The following UBE3C variants were observed in gnomAD, a reference collection of about 807,000 sequenced individuals.
UBE3C encodes ubiquitin-protein ligase E3C.
Under a neutral mutation model 129.4 loss-of-function variants are expected in UBE3C, and 42 were observed. That is an observed-to-expected ratio of 0.32 (90% CI 0.25 to 0.42). The LOEUF is 0.42. Ranked by LOEUF, UBE3C falls within the 10% of genes least tolerant of loss-of-function variation. The pLI, the probability that UBE3C is intolerant of heterozygous loss-of-function variation, is 1.00. For synonymous variants in UBE3C, 510 were observed against 492.4 expected, an observed-to-expected ratio of 1.04 and a Z score of -0.47; for missense variants, 1,049 against 1,319.1, an observed-to-expected ratio of 0.80 and a Z score of 3.17.
At chr7:157,249,603 G>A (rs927415539) in intron 19 of UBE3C, among the ~76,000 whole-genome samples, 13 of 152,156 alleles carry the variant, frequency 8.5e-5, no homozygotes, top group Non-Finnish European at 2.9e-5. Context: ...GTGAGCCACC[G>A]TGGCCGGCAC....
intron 19 of UBE3C, 114 bp downstream of exon 19, chr7:157,248,694 G>A: frequency 1.7e-6 from 2 of 1,174,438 alleles, no homozygotes; most frequent in Admixed American, 2.0e-5. Flanking sequence ...TAGTTAGAAT[G>A]ACTGTGGCTG....
intron 2 of UBE3C, among the ~76,000 whole-genome samples, chr7:157,165,507 C>T (rs1189375902): frequency 6.6e-6 from 1 of 151,690 alleles, no homozygotes; most frequent in African/African-American, 2.4e-5. Context: ...AAGCGATTCT[C>T]CTGCCTCAGC....
intron 2 of UBE3C, among the ~76,000 whole-genome samples, chr7:157,166,147 T>C (rs59115545): frequency 0.058 from 8,843 of 152,280 alleles, 608 homozygotes; most frequent in African/African-American, 0.16. Context: ...TATTGCTTTA[T>C]GTTATCCCAA....
chr7:157,164,537 G>C (rs1808161842), intron 2 of UBE3C: 1 of 439,162 alleles, frequency 2.3e-6, no homozygotes, highest in Admixed American at 2.5e-5. Flanking sequence ...GAAGGTAAAA[G>C]AAAGACACTA....
intron 9 of UBE3C, among the ~76,000 whole-genome samples, chr7:157,185,593 C>G (rs544219861): frequency 6.6e-6 from 1 of 152,214 alleles, no homozygotes; most frequent in East Asian, 1.9e-4. Flanking sequence ...TTCTGTGTTG[C>G]CTTTTCTTTC....
At chr7:157,249,499 G>A (rs528916056) in intron 19 of UBE3C, among the ~76,000 whole-genome samples, 1 of 152,284 alleles carries the variant, frequency 6.6e-6, no homozygotes, top group South Asian at 2.1e-4. Flanking sequence ...TTTTAGTAGA[G>A]ATGGGGTTTC....
chr7:157,183,479 GCTT>G (rs1192961604), intron 8 of UBE3C, among the ~76,000 whole-genome samples: 1 of 152,118 alleles, frequency 6.6e-6, no homozygotes, highest in Non-Finnish European at 1.5e-5. Context: ...GTTTTATGGT[GCTT>G]CTTCTCCAGT....
intron 19 of UBE3C, among the ~76,000 whole-genome samples, chr7:157,249,435 C>T (rs1000356954): frequency 6.6e-6 from 1 of 152,150 alleles, no homozygotes; most frequent in South Asian, 2.1e-4. Flanking sequence ...CCTGCCCCAG[C>T]TTCCCGAGTA....
At chr7:157,267,394 C>T (rs1225391127) in intron 22 of UBE3C, among the ~76,000 whole-genome samples, 191 bp from the exon 23 acceptor site, 1 of 152,204 alleles carries the variant, frequency 6.6e-6, no homozygotes. Context: ...TGCCCTCCAG[C>T]CTGGGCGACA....
chr7:157,226,271 A>G (rs972531609), intron 17 of UBE3C, among the ~76,000 whole-genome samples: 1 of 152,220 alleles, frequency 6.6e-6, no homozygotes, highest in Admixed American at 6.5e-5. Context: ...GTGTGCTCCA[A>G]TGACACTGCC....
At chr7:157,181,414 A>G in intron 6 of UBE3C, 104 bp from the exon 7 acceptor site, 1 of 1,001,762 alleles carries the variant, frequency 1.0e-6, no homozygotes, top group Non-Finnish European at 1.4e-6. Context: ...AACTAACTTA[A>G]GTTTGGACCT....
chr7:157,259,405 G>A (rs773590942), intron 22 of UBE3C, among the ~76,000 whole-genome samples: 9 of 152,194 alleles, frequency 5.9e-5, no homozygotes, highest in African/African-American at 9.7e-5. Flanking sequence ...CAGCCCCACC[G>A]TTGGGAGTGT....
At chr7:157,249,775 A>G (rs1272922434) in intron 19 of UBE3C, among the ~76,000 whole-genome samples, 3 of 152,228 alleles carry the variant, frequency 2.0e-5, no homozygotes, top group Admixed American at 6.5e-5. Context: ...TAAGAATATT[A>G]CTGTTATAAA....
At chr7:157,204,355 G>T (rs539698202) in intron 11 of UBE3C, among the ~76,000 whole-genome samples, 1 of 144,416 alleles carries the variant, frequency 6.9e-6, no homozygotes, top group South Asian at 2.2e-4. Flanking sequence ...ACGAGATTGC[G>T]CCATTGCACT....
At position 157,186,861 on chromosome 7, in the gene UBE3C, A is replaced by G. The variant is rs62001021; in HGVS notation, c.1171A>G (p.Ile391Val). ...GGATGGCAGACTGTCAGTATCATACATAACAGAGGAATGCCTGAAGAAGCT... is the reference window on the plus strand; with the variant it reads ...GGATGGCAGACTGTCAGTATCATACGTAACAGAGGAATGCCTGAAGAAGCT... ...PEDGRLSVSY[I>V]TEECLKKLDT... is the part of the protein sequence containing the mutation. Residue 391 changes from isoleucine to valine, a missense_variant, in exon 10 of 23, where the codon ATA becomes GTA. By Grantham distance (29) the Ile-to-Val change is conservative. Transcript: ENST00000348165. 6.8e-4 allele frequency: 1,103 copies of G among 1,614,094 alleles called. 15 individuals are homozygous for G. Among genetic ancestry groups the G allele is most frequent in the Admixed American group, 2.2e-4 (13 of 60,012 alleles).
chr7:157,198,434 A>C (rs2116977107), intron 10 of UBE3C: 1 of 572,106 alleles, frequency 1.7e-6, no homozygotes, highest in East Asian at 3.4e-5. Context: ...AGTTCTGCAA[A>C]TCCTGTGCGC....
intron 11 of UBE3C, among the ~76,000 whole-genome samples, 195 bp downstream of exon 11, chr7:157,202,002 T>C (rs1323356845): frequency 6.6e-6 from 1 of 152,310 alleles, no homozygotes; most frequent in East Asian, 1.9e-4. Context: ...TATCTGTATA[T>C]ATTATAGAGA....
intron 22 of UBE3C, among the ~76,000 whole-genome samples, chr7:157,258,384 C>T (rs942464420): frequency 6.6e-6 from 1 of 152,184 alleles, no homozygotes; most frequent in African/African-American, 2.4e-5. Context: ...AATGTAGTAG[C>T]GAGATCCTGT....
chr7:157,215,458 A>G (rs867281130), intron 13 of UBE3C, among the ~76,000 whole-genome samples: 6 of 148,478 alleles, frequency 4.0e-5, no homozygotes, highest in Admixed American at 2.7e-4. Context: ...TATAGATTAG[A>G]TATATTATAA....
Sources: allele counts gnomAD v4.1 joint callset (sites outside exome capture counted in the v4.1 genomes callset), GRCh38; gene constraint gnomAD v4.1.1; transcripts MANE v1.5; gene names NCBI Gene and HGNC (gene_info 2026-07-23, HGNC 2026-07-21).